CDR2: variants seen among roughly 807,000 people sequenced by gnomAD.
The protein encoded by CDR2 is cerebellar degeneration related protein 2, also known as cerebellar degeneration-related protein 2.
In CDR2, 34 loss-of-function variants were observed where a neutral mutation model predicts 48.4. The ratio of observed to expected loss-of-function variants is 0.70; its 90% confidence interval spans 0.53 to 0.94. The LOEUF (loss-of-function observed/expected upper bound fraction) is 0.94. Ranked by LOEUF, CDR2 falls within the 40% of genes least tolerant of loss-of-function variation. The pLI is 0.00. For missense variants in CDR2, 498 were observed against 549.5 expected, an observed-to-expected ratio of 0.91 and a Z score of 0.94; for synonymous variants, 240 against 219.7, an observed-to-expected ratio of 1.09 and a Z score of -0.82.
chr16:22,347,077 G>A lies in CDR2; in HGVS notation c.1253C>T (p.Thr418Ile). The stretch of plus-strand genomic sequence containing the variant: ...AAACAACGCTTTGTATTCTGGAGGT[G>A]TTGTAGGGGAACTCACGGGCTCTGG... ...VNPEPVSSPTTPPEYKALFKE... is the reference protein window; with the variant it reads ...VNPEPVSSPTIPPEYKALFKE... The change falls in exon 5 of 5, where the codon ACA (threonine) becomes ATA (isoleucine). Residue 418 changes from threonine to isoleucine, a missense_variant. Coordinates refer to ENST00000268383, the MANE Select transcript of CDR2 (RefSeq NM_001802.2). The A allele has an allele frequency of 4.3e-6, 7 of 1,614,220 alleles. No homozygotes were observed. Among genetic ancestry groups the A allele is most frequent in the East Asian group, 2.2e-5 (1 of 44,892 alleles).
Position 22,346,766 on chromosome 16 carries a change from G to A in CDR2, c.*199C>T, listed in dbSNP as rs1249925028. On this transcript the variant is annotated 3_prime_UTR_variant, in exon 5 of 5. Coordinates refer to ENST00000268383, the MANE Select transcript of CDR2 (RefSeq NM_001802.2). ...GGCCAGTTTGTCATGGGATTTCCTG[G>A]GGAGCTTAAATGGAAGTGGATCAGA... 4.7e-6 allele frequency: 3 copies of A among 633,370 alleles called. No individual in the cohort carries two copies. In the East Asian group the frequency reaches 8.1e-5, roughly 17 times the overall value. The allele number at this position is 633,370 out of a possible 1,614,324, so 39.2% of individuals were successfully genotyped here. A position where few individuals can be genotyped will look rare whatever the true frequency, so the allele number is the denominator to read the frequency against.
At chr16:22,348,811 G>A (rs190399558) in intron 4 of CDR2, among the ~76,000 whole-genome samples, 1 of 152,176 alleles carries the variant, frequency 6.6e-6, no homozygotes, top group Non-Finnish European at 1.5e-5. Context: ...AAGCTCACAG[G>A]GGTAGAAACT....
At position 22,350,189 on chromosome 16, in the gene CDR2, CA is replaced by C. The variant is rs958486409; in HGVS notation, c.193-341del. 3.6e-3 allele frequency among the ~76,000 whole-genome samples: 492 copies of C among 135,862 alleles called. 2 individuals carry two copies. Among genetic ancestry groups the C allele is most frequent in the Admixed American group, 3.1e-3 (42 of 13,424 alleles). The allele number at this position is 135,862 out of a possible 152,430, so 89.1% of individuals were successfully genotyped here. On this transcript the variant is annotated intron_variant, in intron 2 of 4. Transcript: ENST00000268383. ...GGGCAACAAGAATGAAACTCCATCTCAAAAAAAAAAAAAAGATACCTGCTGT... is the reference window on the plus strand; with the variant it reads ...GGGCAACAAGAATGAAACTCCATCTCAAAAAAAAAAAAAGATACCTGCTGT...
Position 22,349,615 on chromosome 16 carries a change from C to T in CDR2, c.341+86G>A. ...AAATTAAACCTTATCCCATATTGAC[C>T]CAAACCCACTGCAGCCATGTTCTAT... On this transcript the variant is annotated intron_variant, in intron 3 of 4. Transcript: ENST00000268383. The T allele has an allele frequency of 2.0e-6, 3 of 1,474,524 alleles. No individual in the cohort carries two copies. In the South Asian group the frequency reaches 3.7e-5, roughly 18 times the overall value. 91.3% of individuals were successfully genotyped at this position (1,474,524 alleles called of 1,614,324 possible). A position where few individuals can be genotyped will look rare whatever the true frequency, so the allele number is the denominator to read the frequency against.
At chr16:22,364,066 G>C (rs2049028614) in intron 2 of CDR2, among the ~76,000 whole-genome samples, 1 of 152,034 alleles carries the variant, frequency 6.6e-6, no homozygotes. Context: ...TGTCTCCCAA[G>C]TAAGCTGGGA....
At chr16:22,374,154 G>T (rs544576053) in intron 1 of CDR2, 77 bp downstream of exon 1, 5 of 972,708 alleles carry the variant, frequency 5.1e-6, no homozygotes, top group African/African-American at 3.5e-5. Context: ...GCCACAAAAA[G>T]CAACTTTTTA....
At chr16:22,350,243 T>C (rs1245578530) in intron 2 of CDR2, among the ~76,000 whole-genome samples, 2 of 151,930 alleles carry the variant, frequency 1.3e-5, no homozygotes, top group South Asian at 4.1e-4. Context: ...AATTCTCCGA[T>C]TGTCAGCACC....
chr16:22,367,533 A>T (rs1333689824), intron 1 of CDR2, among the ~76,000 whole-genome samples: 1 of 152,198 alleles, frequency 6.6e-6, no homozygotes, highest in African/African-American at 2.4e-5. Flanking sequence ...GGTATGATGG[A>T]AAGTAGCCTC....
rs80177724 is a variant in CDR2, at chr16:22,362,197, G to C, written c.192+2705C>G. On this transcript the variant is annotated intron_variant, in intron 2 of 4. Transcript: ENST00000268383. ...ATTACAGGCGTGAGCCACCGCACCC[G>C]GCTGAATTTTATACCTATTTAATCA... is the stretch of plus-strand genomic sequence containing the variant. 5.9e-5 allele frequency among the ~76,000 whole-genome samples: 9 copies of C among 152,150 alleles called. No individual in the cohort carries two copies. The South Asian group carries it at 8.3e-4, about 14-fold the overall frequency.
At chr16:22,353,607 A>G (rs978994436) in intron 2 of CDR2, among the ~76,000 whole-genome samples, 1 of 152,300 alleles carries the variant, frequency 6.6e-6, no homozygotes, top group Admixed American at 6.5e-5. Context: ...AGAAGACAGC[A>G]CCAGAGGAAT....
chr16:22,350,001 C>A (rs1466564923), intron 2 of CDR2, 152 bp from the exon 3 acceptor site: 3 of 656,312 alleles, frequency 4.6e-6, no homozygotes, highest in South Asian at 3.9e-5. Context: ...CCAGCCTGAC[C>A]AACATGCTGA....
Position 22,347,111 on chromosome 16 carries a change from A to T in CDR2, c.1219T>A (p.Ser407Thr). 1 of 1,614,238 alleles carries T rather than the reference A, an allele frequency of 6.2e-7. No homozygotes were observed. ...GAACTCACGGGCTCTGGGTTGACAG[A>T]GGCCAGTTCCCAGCCGCTGGCAACA... ...EPVASGWELA[S>T]VNPEPVSSPT... Residue 407 changes from serine to threonine, a missense_variant, in exon 5 of 5, where the codon TCT (serine) becomes ACT (threonine). Physicochemically the swap from Ser to Thr is moderately conservative, Grantham distance 58. Transcript: ENST00000268383.
chr16:22,348,513 T>C (rs1406545270), intron 4 of CDR2, among the ~76,000 whole-genome samples: 4 of 152,308 alleles, frequency 2.6e-5, no homozygotes, highest in African/African-American at 7.2e-5. Flanking sequence ...ATTCATAATA[T>C]GTAACTACGA....
At chr16:22,357,528 G>C (rs1275331503) in intron 2 of CDR2, among the ~76,000 whole-genome samples, 1 of 152,228 alleles carries the variant, frequency 6.6e-6, no homozygotes. Flanking sequence ...GAAAGGTTTT[G>C]AGAAGGGCTT....
chr16:22,357,106 A>T (rs1304125236), intron 2 of CDR2, among the ~76,000 whole-genome samples: 1 of 152,028 alleles, frequency 6.6e-6, no homozygotes, highest in African/African-American at 2.4e-5. Flanking sequence ...CCCAGGCTGG[A>T]GGCACGATCT....
chr16:22,354,600 A>T (rs1284999596), intron 2 of CDR2, among the ~76,000 whole-genome samples: 1 of 152,092 alleles, frequency 6.6e-6, no homozygotes, highest in South Asian at 2.1e-4. Flanking sequence ...AAAACTTTCT[A>T]TTGTGGACCA....
chr16:22,354,760 G>T (rs979213485), intron 2 of CDR2, among the ~76,000 whole-genome samples: 6 of 152,022 alleles, frequency 3.9e-5, no homozygotes, highest in African/African-American at 1.5e-4. Flanking sequence ...TAGGCATGGT[G>T]GCACACGCCT....
chr16:22,367,646 G>A (rs759994050), intron 1 of CDR2, among the ~76,000 whole-genome samples: 118 of 152,180 alleles, frequency 7.8e-4, no homozygotes, highest in Admixed American at 3.9e-3. Context: ...GACAAATAAG[G>A]CTTAATGGCT....
At position 22,347,371 on chromosome 16, in the gene CDR2, C is replaced by T. The variant is rs762187231; in HGVS notation, c.959G>A (p.Gly320Glu). ...CTCGTGGCCCTTCACGATGTCACTC[C>T]CTGCCAAGCTGCTGAGGATCGTCTC... Reference protein sequence around the residue: ...SSETILSSLAGSDIVKGHEET... With the variant: ...SSETILSSLAESDIVKGHEET... The change falls in exon 5 of 5, where the codon GGG becomes GAG. Residue 320 changes from glycine (G) to glutamate (E), a missense_variant. Coordinates refer to ENST00000268383, the MANE Select transcript of CDR2 (RefSeq NM_001802.2). 4.3e-6 allele frequency: 7 copies of T among 1,614,216 alleles called. No individual in the cohort carries two copies. The highest frequency in any genetic ancestry group is 5.1e-6 in the Non-Finnish European group (6 of 1,180,040).
Sources: allele counts gnomAD v4.1 joint callset (sites outside exome capture counted in the v4.1 genomes callset), GRCh38; gene constraint gnomAD v4.1.1; transcripts MANE v1.5; gene names NCBI Gene and HGNC (gene_info 2026-07-23, HGNC 2026-07-21).